The following ACTN1 variants were observed in gnomAD, a reference collection of about 807,000 sequenced individuals.
The protein encoded by ACTN1 is actinin alpha 1.
A neutral mutation model predicts 119.6 loss-of-function variants in ACTN1; 30 were observed. That is an observed-to-expected ratio of 0.25 (90% CI 0.19 to 0.34). The LOEUF (loss-of-function observed/expected upper bound fraction) is 0.34. ACTN1 is among the 10% of genes least tolerant of loss of function. The pLI, the probability that ACTN1 is intolerant of heterozygous loss-of-function variation, is 1.00. For missense variants in ACTN1, 764 were observed against 1,223.4 expected, an observed-to-expected ratio of 0.62 and a Z score of 5.60; for synonymous variants, 429 against 472.6, an observed-to-expected ratio of 0.91 and a Z score of 1.20.
At chr14:68,910,816 T>G (rs1323214751) in intron 4 of ACTN1, among the ~76,000 whole-genome samples, 1 of 152,148 alleles carries the variant, frequency 6.6e-6, no homozygotes, top group African/African-American at 2.4e-5. Context: ...TCTCACGAGG[T>G]CTGATGGTTT....
At chr14:68,895,677 C>T (rs534113202) in intron 8 of ACTN1, among the ~76,000 whole-genome samples, 38 of 152,336 alleles carry the variant, frequency 2.5e-4, no homozygotes, top group African/African-American at 7.7e-4. Flanking sequence ...GAAGCAACTG[C>T]GGCTGTGATT....
intron 1 of ACTN1, among the ~76,000 whole-genome samples, chr14:68,965,380 A>G (rs1208539973): frequency 6.6e-6 from 1 of 152,260 alleles, no homozygotes; most frequent in Non-Finnish European, 1.5e-5. Flanking sequence ...CCTTGGGCAG[A>G]TTCCAGGCTG....
chr14:68,977,227 C>T (rs2037090164), intron 1 of ACTN1, among the ~76,000 whole-genome samples: 1 of 152,214 alleles, frequency 6.6e-6, no homozygotes, highest in Admixed American at 6.5e-5. Context: ...AGGCTTCACC[C>T]TGAAATTATT....
rs370285280 is a variant in ACTN1 at position 68,880,678 on chromosome 14, G to A, written c.2133+132C>T. On this transcript the variant is annotated intron_variant, in intron 17 of 21. Coordinates refer to ENST00000394419, the MANE Select transcript of ACTN1 (RefSeq NM_001130004.2). The surrounding 1 kb of genome is among the most constrained non-coding windows in gnomAD (Gnocchi z 4.6). ...AAAGCAGAAGGTACTAAAAATTGAA[G>A]ATGTGAGGCTTCAGGGGTGAAGTTA... 6.1e-5 allele frequency: 54 copies of A among 889,268 alleles called. No homozygotes were observed. The highest frequency in any genetic ancestry group is 3.9e-4 in the South Asian group (23 of 58,816). The allele number at this position is 889,268 out of a possible 1,614,324, so 55.1% of individuals were successfully genotyped here.
intron 8 of ACTN1, among the ~76,000 whole-genome samples, chr14:68,898,497 A>G (rs2140204479): frequency 6.6e-6 from 1 of 152,286 alleles, no homozygotes; most frequent in East Asian, 1.9e-4. Context: ...ACAGAAAGAC[A>G]GTGGAGAGGA....
At chr14:68,963,232 T>A (rs1170441578) in intron 1 of ACTN1, among the ~76,000 whole-genome samples, 1 of 152,170 alleles carries the variant, frequency 6.6e-6, no homozygotes. Flanking sequence ...GCTGGAGCCT[T>A]CCTTGGAACT....
intron 1 of ACTN1, among the ~76,000 whole-genome samples, chr14:68,954,955 C>T (rs1277265422): frequency 2.0e-5 from 3 of 152,274 alleles, no homozygotes; most frequent in East Asian, 1.9e-4. Flanking sequence ...TAAATCTTAG[C>T]TTCAAGTCCC....
chr14:68,884,359 C>T (rs1465879698), intron 13 of ACTN1, 51 bp from the exon 14 acceptor site: 3 of 1,566,362 alleles, frequency 1.9e-6, no homozygotes, highest in Non-Finnish European at 1.7e-6. Flanking sequence ...CCAGAATCAT[C>T]CCCCACTCCT....
chr14:68,966,470 C>T (rs942439960), intron 1 of ACTN1, among the ~76,000 whole-genome samples: 1 of 152,180 alleles, frequency 6.6e-6, no homozygotes, highest in African/African-American at 2.4e-5. Flanking sequence ...TAGGACAAGA[C>T]CTCGGGTCTC....
At position 68,925,271 on chromosome 14, in the gene ACTN1, A is replaced by G. The variant is rs115627352; in HGVS notation, c.220+287T>C. 0.012 allele frequency among the ~76,000 whole-genome samples: 1,884 copies of G among 152,006 alleles called. 34 individuals are homozygous for G. The highest frequency in any genetic ancestry group is 0.043 in the African/African-American group (1,777 of 41,434). The stretch of plus-strand genomic sequence containing the variant: ...ACCCATGGTTAACATTCTTGGCCAC[A>G]GAATCCTGGCACTGGGGAGGAGAAG... On this transcript the variant is annotated intron_variant, in intron 2 of 21. Coordinates refer to ENST00000394419, the MANE Select transcript of ACTN1 (RefSeq NM_001130004.2). The surrounding 1 kb of genome is among the most constrained non-coding windows in gnomAD (Gnocchi z 4.3).
At chr14:68,936,882 C>T (rs2035549374) in intron 1 of ACTN1, 2 of 575,346 alleles carry the variant, frequency 3.5e-6, no homozygotes, top group Non-Finnish European at 6.8e-6. Context: ...TCTGGGAAGC[C>T]CTCAATCCCC....
intron 2 of ACTN1, among the ~76,000 whole-genome samples, chr14:68,922,793 TAGG>T (rs1030788547): frequency 6.6e-6 from 1 of 152,210 alleles, no homozygotes; most frequent in Non-Finnish European, 1.5e-5. Flanking sequence ...AGTTTGTGAT[TAGG>T]AGGACTGGGT....
At chr14:68,931,946 C>T (rs1375296231) in intron 1 of ACTN1, among the ~76,000 whole-genome samples, 1 of 152,014 alleles carries the variant, frequency 6.6e-6, no homozygotes, top group Non-Finnish European at 1.5e-5. Flanking sequence ...GGTCCTTTAT[C>T]ACTCTGACTC....
At chr14:68,915,133 C>T (rs1237468247) in intron 3 of ACTN1, among the ~76,000 whole-genome samples, 2 of 152,168 alleles carry the variant, frequency 1.3e-5, no homozygotes, top group African/African-American at 4.8e-5. Flanking sequence ...TCCCCAGACC[C>T]CATATCACCC....
At chr14:68,930,319 G>T (rs1021158626) in intron 1 of ACTN1, among the ~76,000 whole-genome samples, 1 of 152,194 alleles carries the variant, frequency 6.6e-6, no homozygotes, top group Middle Eastern at 3.2e-3. Flanking sequence ...TGTGAATAAT[G>T]ACAATATAGT....
chr14:68,880,166 C>T lies in ACTN1; in HGVS notation c.2134-58G>A. On this transcript the variant is annotated intron_variant, in intron 17 of 21. Coordinates refer to ENST00000394419, the MANE Select transcript of ACTN1 (RefSeq NM_001130004.2). This position sits in a 1 kb window ranked among gnomAD's most constrained non-coding sequence, Gnocchi z 4.6. ...GGTCCCAGGCCTGGGCTCCTGGCGG[C>T]CCCTGCCCATCCTACTCCCCAACCA... is the stretch of plus-strand genomic sequence containing the variant. 1.3e-6 allele frequency: 2 copies of T among 1,583,516 alleles called. No homozygotes were observed. Among genetic ancestry groups the T allele is most frequent in the South Asian group, 2.3e-5 (2 of 88,454 alleles).
chr14:68,963,300 G>A (rs2036599824), intron 1 of ACTN1, among the ~76,000 whole-genome samples: 1 of 152,100 alleles, frequency 6.6e-6, no homozygotes, highest in Admixed American at 6.6e-5. Flanking sequence ...GCCCGTCCCT[G>A]GGTCTCTCAC....
chr14:68,889,057 G>C (rs1248709700), intron 11 of ACTN1, among the ~76,000 whole-genome samples: 1 of 152,220 alleles, frequency 6.6e-6, no homozygotes, highest in Non-Finnish European at 1.5e-5. Flanking sequence ...AGCTCCGCCG[G>C]CCAATAGGTC....
intron 8 of ACTN1, among the ~76,000 whole-genome samples, chr14:68,899,491 A>G (rs944891293): frequency 7.2e-6 from 1 of 138,050 alleles, no homozygotes; most frequent in African/African-American, 2.8e-5. Context: ...CTCCCCATAC[A>G]CACCTCACAC....
Sources: gnomAD v4.1 joint callset for allele counts (sites outside exome capture counted in the v4.1 genomes callset) on GRCh38, gnomAD v4.1.1 for gene constraint, Gnocchi (gnomAD v3.1) non-coding constraint, MANE v1.5 for transcripts, NCBI Gene and HGNC (gene_info 2026-07-23, HGNC 2026-07-21) for gene names.